TEX10: variants seen among roughly 807,000 people sequenced by gnomAD.
TEX10 encodes the protein testis expressed 10, also known as testis-expressed protein 10.
A neutral mutation model predicts 104.4 loss-of-function variants in TEX10; 24 were observed. The ratio of observed to expected loss-of-function variants is 0.23; its 90% CI spans 0.17 to 0.32. The LOEUF (loss-of-function observed/expected upper bound fraction) is 0.32, where lower values mean the gene tolerates loss of function less well. Among genes scored for constraint, TEX10 ranks in the 10% least tolerant of loss-of-function variants. The pLI, the probability that TEX10 is intolerant of heterozygous loss-of-function variation, is 1.00. For synonymous variants in TEX10, 396 were observed against 393.4 expected, an observed-to-expected ratio of 1.01 and a Z score of -0.08; for missense variants, 921 against 1,083.9, an observed-to-expected ratio of 0.85 and a Z score of 2.11.
chr9:100,337,789 T>G (rs1202337203), intron 5 of TEX10, among the ~76,000 whole-genome samples: 3 of 152,188 alleles, frequency 2.0e-5, no homozygotes, highest in Non-Finnish European at 4.4e-5. Context: ...TACAAAAGTC[T>G]CATCCCTTGC....
In TEX10 at chr9:100,321,719, C is replaced by T. The variant is rs1292684711; in HGVS notation, c.2032G>A (p.Val678Ile). 15 of 1,612,622 alleles carry T rather than the reference C, an allele frequency of 9.3e-6. No homozygotes were observed. The highest frequency in any genetic ancestry group is 2.2e-5 in the South Asian group (2 of 91,062). The change falls in exon 10 of 15, where the codon GTA (valine) becomes ATA (isoleucine). Residue 678 changes from valine (V) to isoleucine (I), a missense_variant. Val to Ile is a conservative substitution (Grantham distance 29, BLOSUM62 3). This residue lies in a region of TEX10 where 753 missense variants were observed against 868.4 expected (regional missense o/e 0.87). Coordinates refer to ENST00000374902, the MANE Select transcript of TEX10 (RefSeq NM_017746.4). ...YSAKDWLMSDVDYFSFLFSTL... is the reference protein window; with the variant it reads ...YSAKDWLMSDIDYFSFLFSTL... ...GAAAATAAGAAGCTGAAATAGTCTA[C>T]ATCACTCATCAACCAGTCTTTAGCT...
At chr9:100,345,108 T>C (rs1835268986) in intron 4 of TEX10, among the ~76,000 whole-genome samples, 1 of 152,224 alleles carries the variant, frequency 6.6e-6, no homozygotes, top group Non-Finnish European at 1.5e-5. Flanking sequence ...ATTATAGCCC[T>C]ATTATTAATT....
intron 5 of TEX10, among the ~76,000 whole-genome samples, chr9:100,333,654 AAAC>A (rs1244267299): frequency 3.4e-4 from 47 of 138,998 alleles, no homozygotes; most frequent in Non-Finnish European, 4.8e-4. Flanking sequence ...AAAAAAAAAA[AAAC>A]CACAACAAAA....
chr9:100,328,062 G>T, intron 7 of TEX10, 100 bp from the exon 8 acceptor site: 1 of 905,340 alleles, frequency 1.1e-6, no homozygotes, highest in Non-Finnish European at 1.5e-6. Context: ...ATATCACAAA[G>T]TGACTAATTA....
chr9:100,331,094 A>G (rs924214647), intron 5 of TEX10, among the ~76,000 whole-genome samples: 60 of 98,356 alleles, frequency 6.1e-4, no homozygotes, highest in African/African-American at 2.7e-3. Flanking sequence ...TGTCTCTACT[A>G]AATACAAAAA....
intron 5 of TEX10, among the ~76,000 whole-genome samples, chr9:100,335,272 G>C (rs759375070): frequency 6.6e-6 from 1 of 151,462 alleles, no homozygotes; most frequent in Non-Finnish European, 1.5e-5. Flanking sequence ...GTGTGATCTC[G>C]GCTCACTGCA....
At chr9:100,311,874 A>G (rs1834291085) in intron 11 of TEX10, among the ~76,000 whole-genome samples, 1 of 152,194 alleles carries the variant, frequency 6.6e-6, no homozygotes, top group African/African-American at 2.4e-5. Context: ...AGAAGGATGA[A>G]TATCACTCTA....
intron 1 of TEX10, among the ~76,000 whole-genome samples, chr9:100,351,400 C>CGGGGGG (rs1564224758): frequency 9.9e-4 from 77 of 77,718 alleles, no homozygotes; most frequent in Admixed American, 1.4e-3. Context: ...AGCTGGGGGT[C>CGGGGGG]GGTGGGTGGG....
At chr9:100,333,824 C>T (rs766238011) in intron 5 of TEX10, among the ~76,000 whole-genome samples, 1 of 152,022 alleles carries the variant, frequency 6.6e-6, no homozygotes, top group Non-Finnish European at 1.5e-5. Context: ...TGAAAATAGT[C>T]AACTGAACTT....
chr9:100,345,568 G>C (rs1263254770), intron 4 of TEX10, among the ~76,000 whole-genome samples: 3 of 152,000 alleles, frequency 2.0e-5, no homozygotes, highest in Non-Finnish European at 2.9e-5. Flanking sequence ...GTTCCTCCTT[G>C]GTTGCAAAGG....
chr9:100,317,199 A>G (rs1834443145), intron 11 of TEX10, among the ~76,000 whole-genome samples: 1 of 152,190 alleles, frequency 6.6e-6, no homozygotes, highest in Non-Finnish European at 1.5e-5. Context: ...AATACTAAGC[A>G]AAAAGAGCAA....
rs539606305 is a variant in TEX10, at chr9:100,320,386, T to G, written c.2081A>C (p.Glu694Ala). 3 of 1,609,284 alleles carry G rather than the reference T, an allele frequency of 1.9e-6. No homozygotes were observed. The East Asian group carries it at 6.7e-5, about 36-fold the overall frequency. ...LFSTLTGFSKEELTWLQSLRG... is the reference protein window; with the variant it reads ...LFSTLTGFSKAELTWLQSLRG... ...AAGGCTCTGAAGCCAAGTCAACTCCTCTTTCGAAAACCCTAATTCAGGTAA... is the reference window on the plus strand; with the variant it reads ...AAGGCTCTGAAGCCAAGTCAACTCCGCTTTCGAAAACCCTAATTCAGGTAA... The change falls in exon 11 of 15, where the codon GAG (glutamate) becomes GCG (alanine). Residue 694 changes from glutamate to alanine, a missense_variant. Physicochemically the swap from Glu to Ala is moderately radical, Grantham distance 107. Transcript: ENST00000374902.
At chr9:100,337,355 A>T (rs1308477758) in intron 5 of TEX10, among the ~76,000 whole-genome samples, 1 of 152,212 alleles carries the variant, frequency 6.6e-6, no homozygotes, top group Non-Finnish European at 1.5e-5. Context: ...ACTAAATCCT[A>T]AACATCTAAA....
intron 9 of TEX10, among the ~76,000 whole-genome samples, chr9:100,322,106 A>G (rs1834586115): frequency 6.6e-6 from 1 of 152,224 alleles, no homozygotes; most frequent in South Asian, 2.1e-4. Context: ...TTCAGCTGCT[A>G]TGTATTTACT....
At chr9:100,304,833 G>A (rs1175413324) in intron 13 of TEX10, 1 of 152,070 alleles carries the variant, frequency 6.6e-6, no homozygotes, top group African/African-American at 2.4e-5. Flanking sequence ...ATTCCAGCCT[G>A]GCAAAAGAAT....
chr9:100,338,849 G>A (rs749171169), intron 5 of TEX10, among the ~76,000 whole-genome samples: 4 of 85,634 alleles, frequency 4.7e-5, no homozygotes, highest in Non-Finnish European at 7.9e-5. Context: ...CCAAGATTAC[G>A]CCTTGCACTC....
chr9:100,315,027 A>T (rs1834380186), intron 11 of TEX10, among the ~76,000 whole-genome samples: 1 of 152,242 alleles, frequency 6.6e-6, no homozygotes, highest in Non-Finnish European at 1.5e-5. Context: ...TGATTTTGCA[A>T]TACATTAATG....
At chr9:100,321,281 T>C (rs1333142539) in intron 10 of TEX10, among the ~76,000 whole-genome samples, 1 of 152,214 alleles carries the variant, frequency 6.6e-6, no homozygotes, top group East Asian at 1.9e-4. Flanking sequence ...TGACACTATA[T>C]TAACTCTCCT....
chr9:100,321,613 A>C, intron 10 of TEX10, 70 bp downstream of exon 10: 1 of 1,290,648 alleles, frequency 7.7e-7, no homozygotes, highest in Non-Finnish European at 1.1e-6. Flanking sequence ...TAAAATGGCA[A>C]ATCTTAGAAG....
Sources: gnomAD v4.1 joint callset for allele counts (sites outside exome capture counted in the v4.1 genomes callset) on GRCh38, gnomAD v4.1.1 for gene constraint, gnomAD v4.1.1 regional missense constraint, MANE v1.5 for transcripts, NCBI Gene and HGNC (gene_info 2026-07-23, HGNC 2026-07-21) for gene names.